SAMD5: variants seen among roughly 807,000 people sequenced by gnomAD.
SAMD5 encodes the protein sterile alpha motif domain containing 5.
In SAMD5, 13 loss-of-function variants were observed where a neutral mutation model predicts 11.3. The observed-to-expected ratio is 1.15, with a 90% CI of 0.75 to 1.83. The LOEUF (loss-of-function observed/expected upper bound fraction) is 1.83. Ranked by LOEUF, SAMD5 falls within the 40% of genes most tolerant of loss-of-function variation. The probability of loss-of-function intolerance (pLI) is 0.00; values close to 1 mark genes in which losing one functional copy is unlikely to be tolerated. For missense variants in SAMD5, 255 were observed against 239.1 expected (o/e 1.07, Z -0.44); for synonymous variants, 129 against 111.3 (o/e 1.16, Z -1.00).
chr6:147,727,566 A>G (rs964286173), intron 1 of SAMD5, among the ~76,000 whole-genome samples: 8 of 152,190 alleles, frequency 5.3e-5, no homozygotes, highest in Non-Finnish European at 1.0e-4. Context: ...TGTGGAGAGT[A>G]AACATGGTTT....
At chr6:147,922,211 G>C in the SAMD5 span, among the ~76,000 whole-genome samples, 8 of 152,080 alleles carry the variant, frequency 5.3e-5, no homozygotes, top group African/African-American at 1.9e-4. Context: ...TCTTCATCTT[G>C]CTGCTTCCCT....
rs1426665613 is a variant in SAMD5 at position 147,669,450 on chromosome 6, CAG to C, written c.163-67864_163-67863del. Among the ~76,000 whole-genome samples, 736 of 104,266 alleles carry C rather than the reference CAG, an allele frequency of 7.1e-3. 12 individuals carry two copies. The highest frequency in any genetic ancestry group is 0.026 in the African/African-American group (700 of 26,634). 68.4% of individuals were successfully genotyped at this position (104,266 alleles called of 152,430 possible). ...TTTTTTTTTTTTTTTTTTTTTGAGA[CAG>C]AGTTTCATGCTGTCACCCAGGCTGG... On this transcript the variant is annotated intron_variant, in intron 1 of 1. Transcript: ENST00000566741.
the SAMD5 span, among the ~76,000 whole-genome samples, chr6:147,841,873 A>C: frequency 1.3e-5 from 2 of 152,214 alleles, no homozygotes; most frequent in South Asian, 2.1e-4. Flanking sequence ...TCAGTTCAAA[A>C]ATAAAGCACA....
the SAMD5 span, among the ~76,000 whole-genome samples, chr6:147,794,707 A>G: frequency 6.6e-6 from 1 of 152,200 alleles, no homozygotes; most frequent in Non-Finnish European, 1.5e-5. Context: ...CATAGGAAGC[A>G]TGAAAACTGA....
At chr6:147,835,975 T>C in the SAMD5 span, among the ~76,000 whole-genome samples, 1 of 152,208 alleles carries the variant, frequency 6.6e-6, no homozygotes, top group African/African-American at 2.4e-5. Context: ...TCAATTACTG[T>C]TCACATTAGG....
At chr6:147,521,736 T>C (rs1489663174) in intron 1 of SAMD5, among the ~76,000 whole-genome samples, 1 of 152,124 alleles carries the variant, frequency 6.6e-6, no homozygotes, top group Non-Finnish European at 1.5e-5. Context: ...TTATACATAA[T>C]GTTATGATTG....
the SAMD5 span, among the ~76,000 whole-genome samples, chr6:147,800,493 A>C: frequency 6.6e-6 from 1 of 152,148 alleles, no homozygotes; most frequent in African/African-American, 2.4e-5. Context: ...AGGGACATTT[A>C]AGTCTGCAGA....
At position 147,567,925 on chromosome 6, in the gene SAMD5, C is replaced by T; in HGVS notation, c.*3469C>T. On this transcript the variant is annotated 3_prime_UTR_variant, in exon 2 of 2. Coordinates refer to ENST00000367474, the MANE Select transcript of SAMD5 (RefSeq NM_001030060.3). ...AACAGAGCAAGATCCCGTCTCAAAA[C>T]AAAACAAAACAAAACAAAACAGCAA... The T allele has an allele frequency of 1.0e-6, 1 of 984,612 alleles. No homozygotes were observed. The highest frequency in any genetic ancestry group is 1.2e-6 in the Non-Finnish European group (1 of 829,372). The allele number at this position is 984,612 out of a possible 1,614,324, so 61.0% of individuals were successfully genotyped here. A position where few individuals can be genotyped will look rare whatever the true frequency, so the allele number is the denominator to read the frequency against.
At chr6:147,537,047 T>G (rs951883202) in intron 1 of SAMD5, among the ~76,000 whole-genome samples, 5 of 152,102 alleles carry the variant, frequency 3.3e-5, no homozygotes, top group African/African-American at 1.2e-4. Flanking sequence ...AAAGTCACAA[T>G]TGATGAGGAA....
chr6:147,598,681 A>G (rs1184926385), intron 1 of SAMD5, among the ~76,000 whole-genome samples: 1 of 152,108 alleles, frequency 6.6e-6, no homozygotes, highest in Non-Finnish European at 1.5e-5. Flanking sequence ...CAGCCCTTGA[A>G]TCCCCTGCAG....
intron 1 of SAMD5, among the ~76,000 whole-genome samples, chr6:147,630,491 T>C (rs6920665): frequency 0.39 from 59,172 of 151,882 alleles, 12,792 homozygotes; most frequent in Middle Eastern, 0.51. Context: ...CATTACCTAG[T>C]GGAATTCCTT....
chr6:147,712,573 G>C (rs1237275089), intron 1 of SAMD5, among the ~76,000 whole-genome samples: 1 of 152,096 alleles, frequency 6.6e-6, no homozygotes, highest in East Asian at 1.9e-4. Flanking sequence ...TTTGGAGGTG[G>C]GGCCTTTGGG....
rs1487899705 is a variant in SAMD5, at chr6:147,567,393, A to AAT, written c.*2937_*2938insAT. 4.8e-5 allele frequency: 47 copies of AAT among 984,504 alleles called. No individual in the cohort carries two copies. The highest frequency in any genetic ancestry group is 5.5e-5 in the Non-Finnish European group (46 of 829,166). The allele number at this position is 984,504 out of a possible 1,614,324, so 61.0% of individuals were successfully genotyped here. ...GAGCTTTCACTTTGGAGTTACTCAGATCTGAGTTTAAATTCTAAAATTATT... is the reference window on the plus strand; with the variant it reads ...GAGCTTTCACTTTGGAGTTACTCAGAATTCTGAGTTTAAATTCTAAAATTATT... On this transcript the variant is annotated 3_prime_UTR_variant, in exon 2 of 2. Coordinates refer to ENST00000367474, the MANE Select transcript of SAMD5 (RefSeq NM_001030060.3).
the SAMD5 span, among the ~76,000 whole-genome samples, chr6:147,878,605 CTATATAGATATATATGTATAT>C: frequency 7.0e-6 from 1 of 141,954 alleles, no homozygotes; most frequent in African/African-American, 2.6e-5. Flanking sequence ...ACATATATAT[CTATATAGATATATATGTATAT>C]ATATCTATAT....
At chr6:147,909,964 C>T in the SAMD5 span, among the ~76,000 whole-genome samples, 1 of 151,962 alleles carries the variant, frequency 6.6e-6, no homozygotes, top group South Asian at 2.1e-4. Flanking sequence ...TTCATTATCC[C>T]CATCTGAACT....
At chr6:147,644,577 T>C (rs1193130710) in intron 1 of SAMD5, among the ~76,000 whole-genome samples, 1 of 152,238 alleles carries the variant, frequency 6.6e-6, no homozygotes, top group Non-Finnish European at 1.5e-5. Context: ...AATGCATCAG[T>C]ATGTCTTCAA....
At chr6:147,794,589 T>C in the SAMD5 span, among the ~76,000 whole-genome samples, 3 of 152,176 alleles carry the variant, frequency 2.0e-5, no homozygotes, top group South Asian at 6.2e-4. Flanking sequence ...ACTATGTAAA[T>C]ATATAATTTA....
chr6:147,867,277 A>C, the SAMD5 span, among the ~76,000 whole-genome samples: 16 of 123,788 alleles, frequency 1.3e-4, no homozygotes, highest in East Asian at 3.5e-3. Context: ...TTGGTCAAAA[A>C]GGTTTTTTTT....
chr6:147,539,571 A>C (rs1046784757), intron 1 of SAMD5, among the ~76,000 whole-genome samples: 1 of 152,234 alleles, frequency 6.6e-6, no homozygotes, highest in South Asian at 2.1e-4. Flanking sequence ...CTGGGGTTTC[A>C]TGAGGAAAAC....
Sources: gnomAD v4.1 joint callset for allele counts (sites outside exome capture counted in the v4.1 genomes callset) on GRCh38, gnomAD v4.1.1 for gene constraint, MANE v1.5 for transcripts, NCBI Gene and HGNC (gene_info 2026-07-23, HGNC 2026-07-21) for gene names.